RRM2: variants seen among roughly 807,000 people sequenced by gnomAD.
RRM2 encodes the protein ribonucleotide reductase regulatory subunit M2.
RRM2 carries 6 observed loss-of-function variants against 45.9 expected under a neutral mutation model. The ratio of observed to expected loss-of-function variants is 0.13; its 90% CI spans 0.07 to 0.26. The LOEUF is 0.26. RRM2 is among the 10% of genes least tolerant of loss of function. RRM2 has a pLI of 1.00. For missense variants in RRM2, 343 were observed against 489.5 expected, an observed-to-expected ratio of 0.70 and a Z score of 2.82; for synonymous variants, 177 against 173.0, an observed-to-expected ratio of 1.02 and a Z score of -0.18.
intron 3 of RRM2, among the ~76,000 whole-genome samples, chr2:10,209,297 A>G (rs536813407): frequency 1.3e-5 from 2 of 151,914 alleles, no homozygotes; most frequent in South Asian, 4.2e-4. Flanking sequence ...ACCTCAAGTG[A>G]TCCACTGATC....
chr2:10,143,711 G>T (rs568317907), intron 3 of RRM2, among the ~76,000 whole-genome samples: 1 of 151,932 alleles, frequency 6.6e-6, no homozygotes, highest in Non-Finnish European at 1.5e-5. Context: ...TTGCTCTGTC[G>T]CCAGGTGGTA....
At chr2:10,146,883 C>A (rs1177460466) in intron 3 of RRM2, among the ~76,000 whole-genome samples, 1 of 152,194 alleles carries the variant, frequency 6.6e-6, no homozygotes, top group Non-Finnish European at 1.5e-5. Context: ...TTTGTGTATT[C>A]TTTCTATCTA....
upstream of RRM2, among the ~76,000 whole-genome samples, chr2:10,141,047 C>G (rs540503890): frequency 6.6e-6 from 1 of 152,246 alleles, no homozygotes; most frequent in Admixed American, 6.5e-5. Context: ...ACGTCGCTGT[C>G]ATGTGCGGGG....
chr2:10,134,347 T>C (rs954621438), downstream of RRM2, among the ~76,000 whole-genome samples: 2 of 151,938 alleles, frequency 1.3e-5, no homozygotes, highest in Non-Finnish European at 2.9e-5. Flanking sequence ...CAATTGGATT[T>C]GGAGGGAGAG....
At chr2:10,126,311 G>A (rs1662779688) in intron 5 of RRM2, among the ~76,000 whole-genome samples, 1 of 152,084 alleles carries the variant, frequency 6.6e-6, no homozygotes, top group African/African-American at 2.4e-5. Context: ...GAGGAGGGTG[G>A]TAAGGGAGAT....
At chr2:10,156,163 C>G (rs1459972036) in intron 3 of RRM2, 1 of 152,230 alleles carries the variant, frequency 6.6e-6, no homozygotes, top group Non-Finnish European at 1.5e-5. Flanking sequence ...TTTGGCTTCC[C>G]TTGGCCACAT....
chr2:10,174,844 G>T (rs1301466544), intron 3 of RRM2, among the ~76,000 whole-genome samples: 4 of 150,600 alleles, frequency 2.7e-5, no homozygotes, highest in African/African-American at 9.7e-5. Flanking sequence ...TCCAGCCTGG[G>T]TGACAGAGTG....
chr2:10,124,096 C>A, intron 4 of RRM2: 3 of 445,806 alleles, frequency 6.7e-6, no homozygotes, highest in Non-Finnish European at 7.9e-6. Flanking sequence ...GTGGCCACCA[C>A]ATCTGCCCCC....
At chr2:10,192,633 G>T (rs1342960128) in intron 3 of RRM2, 1 of 154,574 alleles carries the variant, frequency 6.5e-6, no homozygotes, top group Non-Finnish European at 1.5e-5. Flanking sequence ...CTGGGTCCCT[G>T]TTTCCTGTCT....
intron 3 of RRM2, chr2:10,198,896 T>G (rs1022871690): frequency 6.6e-6 from 1 of 152,140 alleles, no homozygotes; most frequent in African/African-American, 2.4e-5. Context: ...TTGGAATGTT[T>G]CTGATTGGAG....
intron 5 of RRM2, among the ~76,000 whole-genome samples, chr2:10,125,112 G>T (rs1327901351): frequency 3.9e-5 from 6 of 152,154 alleles, no homozygotes; most frequent in Non-Finnish European, 8.8e-5. Context: ...TAGATGTTGG[G>T]TAAGACAAAC....
intron 3 of RRM2, among the ~76,000 whole-genome samples, chr2:10,200,804 A>G (rs1003767936): frequency 6.6e-6 from 1 of 152,206 alleles, no homozygotes; most frequent in Non-Finnish European, 1.5e-5. Flanking sequence ...TTCCAGTCAA[A>G]GCCTTGCTAA....
At chr2:10,143,111 G>T (rs552382079) in intron 3 of RRM2, among the ~76,000 whole-genome samples, 1 of 152,208 alleles carries the variant, frequency 6.6e-6, no homozygotes, top group Non-Finnish European at 1.5e-5. Context: ...CTGACCTCGT[G>T]ATCTGCCTGC....
At chr2:10,166,189 C>A (rs1307711280) in intron 3 of RRM2, among the ~76,000 whole-genome samples, 1 of 152,244 alleles carries the variant, frequency 6.6e-6, no homozygotes, top group Non-Finnish European at 1.5e-5. Flanking sequence ...CTGAGCAGAG[C>A]TGAACAGTTA....
At chr2:10,191,802 G>A (rs1041298583) in intron 3 of RRM2, among the ~76,000 whole-genome samples, 11 of 152,208 alleles carry the variant, frequency 7.2e-5, no homozygotes, top group African/African-American at 2.2e-4. Flanking sequence ...CAGACCTGGC[G>A]TGGGAGCTGT....
At chr2:10,142,311 G>A in exon 3 of RRM2, 1 of 1,396,132 alleles carries the variant, frequency 7.2e-7, no homozygotes, top group Non-Finnish European at 9.6e-7. Context: ...GGAATCCCCT[G>A]CTTCTGCGTG....
In RRM2 at chr2:10,123,058, G is replaced by C. The variant is rs2125305446; in HGVS notation, c.174+1G>C. On this transcript the variant is annotated splice_donor_variant, in intron 2 of 9. Coordinates refer to ENST00000304567, the MANE Select transcript of RRM2 (RefSeq NM_001034.4). LOFTEE classifies it high-confidence loss of function. ...GATCTTCCAGGAGCCCACGGAGCCG[G>C]TGAGTGGCGGGCGTGGGGCAGAGGG... is the stretch of plus-strand genomic sequence containing the variant. 1 of 1,554,606 alleles carries C rather than the reference G, an allele frequency of 6.4e-7. No individual in the cohort carries two copies. Among genetic ancestry groups the C allele is most frequent in the African/African-American group, 1.3e-5 (1 of 74,306 alleles).
At position 10,190,263 on chromosome 2, in the gene RRM2, A is replaced by ATGG. The variant is rs1388872416; in HGVS notation, n.483-20032_483-20030dup. Among the ~76,000 whole-genome samples, 183 of 133,152 alleles carry ATGG rather than the reference A, an allele frequency of 1.4e-3. 1 individual carries two copies. Among genetic ancestry groups the ATGG allele is most frequent in the South Asian group, 2.7e-3 (10 of 3,638 alleles). 87.4% of individuals were successfully genotyped at this position (133,152 alleles called of 152,430 possible). A position where few individuals can be genotyped will look rare whatever the true frequency, so the allele number is the denominator to read the frequency against. On this transcript the variant is annotated intron_variant and non_coding_transcript_variant, in intron 3 of 3. Coordinates refer to the RRM2 transcript ENST00000381786. ...GGTGGTGATGGTGGTGGTGGTGGTG[A>ATGG]TGGTGGTGGTGGTGGTGGAGGTGAT...
At chr2:10,165,863 G>T (rs1663668129) in intron 3 of RRM2, among the ~76,000 whole-genome samples, 1 of 152,240 alleles carries the variant, frequency 6.6e-6, no homozygotes, top group African/African-American at 2.4e-5. Context: ...CTGTGCACAT[G>T]CCCCGTGGTG....
Sources: gnomAD v4.1 joint callset for allele counts (sites outside exome capture counted in the v4.1 genomes callset) on GRCh38, gnomAD v4.1.1 for gene constraint, MANE v1.5 for transcripts, NCBI Gene and HGNC (gene_info 2026-07-23, HGNC 2026-07-21) for gene names.